Variants in TTC6 observed in about 807,000 individuals in gnomAD.
The protein encoded by TTC6 is tetratricopeptide repeat domain 6.
TTC6 carries 172 observed loss-of-function variants against 210.4 expected under a neutral mutation model. The observed-to-expected ratio is 0.82, with a 90% CI of 0.72 to 0.93. The LOEUF (loss-of-function observed/expected upper bound fraction) is 0.93. Ranked by LOEUF, TTC6 falls within the 40% of genes least tolerant of loss-of-function variation. TTC6 has a pLI of 0.00. For synonymous variants in TTC6, 804 were observed against 819.6 expected (o/e 0.98, Z 0.32); for missense variants, 2,414 against 2,318.1 (o/e 1.04, Z -0.85).
At chr14:37,713,172 A>G (rs559354601) in intron 5 of TTC6, among the ~76,000 whole-genome samples, 36 of 152,326 alleles carry the variant, frequency 2.4e-4, no homozygotes, top group African/African-American at 8.7e-4. Flanking sequence ...CCAGTAAAAA[A>G]CACAACTCAC....
At chr14:37,779,283 C>A (rs758955355) in intron 14 of TTC6, among the ~76,000 whole-genome samples, 2 of 152,182 alleles carry the variant, frequency 1.3e-5, no homozygotes, top group Non-Finnish European at 2.9e-5. Flanking sequence ...CTATGAAGAT[C>A]TGCTGCGAGT....
intron 1 of TTC6, among the ~76,000 whole-genome samples, chr14:37,635,615 A>G (rs776064595): frequency 1.3e-5 from 2 of 152,184 alleles, no homozygotes; most frequent in Non-Finnish European, 2.9e-5. Context: ...TATATCATGC[A>G]TATATTAGTT....
chr14:37,732,188 T>C (rs1296788617), intron 7 of TTC6, among the ~76,000 whole-genome samples: 1 of 129,994 alleles, frequency 7.7e-6, no homozygotes, highest in Non-Finnish European at 1.6e-5. Flanking sequence ...TTTTTTTTTT[T>C]TTTTTTTTTT....
At chr14:37,672,358 T>A (rs966975934) in intron 1 of TTC6, among the ~76,000 whole-genome samples, 1 of 152,188 alleles carries the variant, frequency 6.6e-6, no homozygotes, top group Non-Finnish European at 1.5e-5. Context: ...ACTTGGAGCC[T>A]GTACATAATA....
intron 5 of TTC6, among the ~76,000 whole-genome samples, chr14:37,710,695 G>C (rs754288799): frequency 2.6e-4 from 39 of 152,070 alleles, no homozygotes; most frequent in Non-Finnish European, 4.4e-4. Flanking sequence ...ATAGCACAGT[G>C]AGGGGCCCAA....
intron 7 of TTC6, among the ~76,000 whole-genome samples, chr14:37,727,928 T>A (rs12884961): frequency 0.039 from 5,954 of 152,272 alleles, 177 homozygotes; most frequent in Non-Finnish European, 0.06. Flanking sequence ...TATCCCAATA[T>A]CTCTCAGTTA....
At position 37,815,183 on chromosome 14, in the gene TTC6, A is replaced by G. The variant is rs184683992; in HGVS notation, c.4690-2395A>G. Among the ~76,000 whole-genome samples the G allele has an allele frequency of 1.1e-3, 160 of 152,304 alleles. 1 individual carries two copies. Among genetic ancestry groups the G allele is most frequent in the African/African-American group, 3.6e-3 (149 of 41,566 alleles). On this transcript the variant is annotated intron_variant, in intron 25 of 30. Coordinates refer to ENST00000553443, the Ensembl canonical transcript of TTC6. The stretch of plus-strand genomic sequence containing the variant: ...TGCCATTCTCGATCTAAATGCCTCA[A>G]ACTTAAATATAAATGGGTAGCCAAG...
chr14:37,787,611 G>A (rs2096070849), exon 15 of TTC6: 7 of 1,520,350 alleles, frequency 4.6e-6, no homozygotes, highest in Non-Finnish European at 6.2e-6. Context: ...AACCCTTTTA[G>A]AGCGCTACAG....
At chr14:37,646,507 C>T (rs896831208) in intron 1 of TTC6, among the ~76,000 whole-genome samples, 8 of 152,020 alleles carry the variant, frequency 5.3e-5, no homozygotes, top group Non-Finnish European at 1.0e-4. Context: ...TGAAATAGAC[C>T]TCTGTGGACA....
At chr14:37,739,638 G>A (rs1296647056) in intron 10 of TTC6, among the ~76,000 whole-genome samples, 2 of 150,180 alleles carry the variant, frequency 1.3e-5, no homozygotes, top group East Asian at 3.9e-4. Flanking sequence ...CTTAGTATAA[G>A]TATGTGAATG....
upstream of TTC6, among the ~76,000 whole-genome samples, chr14:37,619,420 T>C (rs2095647790): frequency 6.6e-6 from 1 of 152,172 alleles, no homozygotes; most frequent in African/African-American, 2.4e-5. Context: ...ATTTCATGAA[T>C]TGATATGAGT....
rs184765586 is a variant in TTC6, at chr14:37,810,937, T to C, written c.4570-1377T>C. Among the ~76,000 whole-genome samples, 378 of 152,310 alleles carry C rather than the reference T, an allele frequency of 2.5e-3. 1 individual carries two copies. Among genetic ancestry groups the C allele is most frequent in the African/African-American group, 8.5e-3 (353 of 41,560 alleles). ...AATCAAAATATTTTTAAGCAGATCC[T>C]TACAACAATATGATGAATTTTTAAC... On this transcript the variant is annotated intron_variant, in intron 24 of 30. Transcript: ENST00000553443.
chr14:37,622,599 T>C, exon 1 of TTC6: 1 of 1,534,546 alleles, frequency 6.5e-7, no homozygotes, highest in Non-Finnish European at 8.7e-7. Flanking sequence ...CAGGCGGGTC[T>C]TCCACTTGGG....
chr14:37,602,880 C>G (rs1446579852), intron 1 of TTC6, among the ~76,000 whole-genome samples: 2 of 152,264 alleles, frequency 1.3e-5, no homozygotes, highest in African/African-American at 2.4e-5. Flanking sequence ...ATGGATCCCA[C>G]TCTTCTCACC....
At chr14:37,818,646 G>GT (rs202077390) in intron 26 of TTC6, among the ~76,000 whole-genome samples, 48 of 149,128 alleles carry the variant, frequency 3.2e-4, no homozygotes, top group South Asian at 1.5e-3. Context: ...TCCTATGAAA[G>GT]TTTTTTTTTT....
chr14:37,775,867 G>A (rs2096035768), intron 14 of TTC6, among the ~76,000 whole-genome samples: 3 of 152,106 alleles, frequency 2.0e-5, no homozygotes, highest in Admixed American at 2.0e-4. Flanking sequence ...TTACCATTAT[G>A]TAATGCCCTT....
At chr14:37,623,108 T>C in intron 1 of TTC6, 105 bp downstream of exon 3, 1 of 790,056 alleles carries the variant, frequency 1.3e-6, no homozygotes, top group Non-Finnish European at 1.9e-6. Flanking sequence ...GCATAAGGTG[T>C]CATGTATTAT....
intron 1 of TTC6, among the ~76,000 whole-genome samples, chr14:37,674,547 T>G (rs2095764789): frequency 6.6e-6 from 1 of 152,138 alleles, no homozygotes; most frequent in Non-Finnish European, 1.5e-5. Flanking sequence ...ATTCCCATTT[T>G]ACAAACTTGA....
chr14:37,771,615 A>C (rs2096019114), intron 14 of TTC6, among the ~76,000 whole-genome samples: 1 of 152,004 alleles, frequency 6.6e-6, no homozygotes, highest in African/African-American at 2.4e-5. Flanking sequence ...AGGCTTCTGC[A>C]TTCTTCACGT....
Sources: allele counts gnomAD v4.1 joint callset (sites outside exome capture counted in the v4.1 genomes callset), GRCh38; gene constraint gnomAD v4.1.1; transcripts MANE v1.5; gene names NCBI Gene and HGNC (gene_info 2026-07-23, HGNC 2026-07-21).